The following PGAP1 variants were observed in gnomAD, a reference collection of about 807,000 sequenced individuals.
The protein encoded by PGAP1 is post-GPI attachment to proteins inositol deacylase 1, also known as GPI inositol-deacylase.
PGAP1 carries 76 observed loss-of-function variants against 127.0 expected under a neutral mutation model. The observed-to-expected ratio is 0.60, with a 90% CI of 0.50 to 0.72. The LOEUF (loss-of-function observed/expected upper bound fraction) is 0.72. Ranked by LOEUF, PGAP1 falls within the 30% of genes least tolerant of loss-of-function variation. The pLI, the probability that PGAP1 is intolerant of heterozygous loss-of-function variation, is 0.00. For synonymous variants in PGAP1, 362 were observed against 366.5 expected, an observed-to-expected ratio of 0.99 and a Z score of 0.14; for missense variants, 982 against 1,071.3, an observed-to-expected ratio of 0.92 and a Z score of 1.16.
intron 5 of PGAP1, among the ~76,000 whole-genome samples, chr2:196,898,926 GA>G (rs200619626): frequency 9.7e-4 from 133 of 136,872 alleles, no homozygotes; most frequent in Middle Eastern, 3.7e-3. Flanking sequence ...TATATATTTT[GA>G]AAAAAAAAAA....
At chr2:196,884,531 C>G (rs1415405337) in intron 12 of PGAP1, among the ~76,000 whole-genome samples, 2 of 152,158 alleles carry the variant, frequency 1.3e-5, no homozygotes, top group African/African-American at 2.4e-5. Flanking sequence ...GTCACCATTC[C>G]TCTCTGTTAG....
At chr2:196,917,462 G>A (rs1257794501) in intron 2 of PGAP1, among the ~76,000 whole-genome samples, 2 of 151,818 alleles carry the variant, frequency 1.3e-5, no homozygotes, top group African/African-American at 4.8e-5. Flanking sequence ...TTTTTTAATC[G>A]TTTCAAAAAC....
At chr2:196,846,484 G>A (rs1469956664) in intron 22 of PGAP1, among the ~76,000 whole-genome samples, 1 of 152,098 alleles carries the variant, frequency 6.6e-6, no homozygotes, top group Non-Finnish European at 1.5e-5. Flanking sequence ...CACATGACAT[G>A]TCTGGTAAGG....
chr2:196,857,885 T>C (rs1320965708), intron 20 of PGAP1, among the ~76,000 whole-genome samples: 1 of 152,152 alleles, frequency 6.6e-6, no homozygotes, highest in African/African-American at 2.4e-5. Flanking sequence ...TAATCCTTTT[T>C]ATTTTTCCTT....
intron 10 of PGAP1, among the ~76,000 whole-genome samples, chr2:196,887,402 A>G (rs1226170908): frequency 6.6e-6 from 1 of 151,954 alleles, no homozygotes; most frequent in African/African-American, 2.4e-5. Context: ...AAACAAAACA[A>G]AACAAAAACA....
intron 7 of PGAP1, among the ~76,000 whole-genome samples, chr2:196,896,237 A>G (rs1702263594): frequency 1.3e-5 from 2 of 152,230 alleles, no homozygotes; most frequent in South Asian, 4.1e-4. Context: ...ATCAAATTAC[A>G]GACAAGGTAA....
intron 3 of PGAP1, among the ~76,000 whole-genome samples, chr2:196,914,370 C>T (rs141607518): frequency 0.016 from 2,470 of 152,230 alleles, 62 homozygotes; most frequent in African/African-American, 0.056. Flanking sequence ...CCTGTAATCC[C>T]AGCACTTTAG....
chr2:196,852,482 T>G (rs1173496417), intron 20 of PGAP1, among the ~76,000 whole-genome samples: 2 of 151,874 alleles, frequency 1.3e-5, no homozygotes, highest in Non-Finnish European at 2.9e-5. Context: ...TAGTTAAAAA[T>G]AGAAATTAAT....
At chr2:196,854,331 T>C (rs922298989) in intron 20 of PGAP1, among the ~76,000 whole-genome samples, 2 of 152,190 alleles carry the variant, frequency 1.3e-5, no homozygotes, top group African/African-American at 4.8e-5. Context: ...TGGTAAATTA[T>C]ATGGAAAACA....
intron 25 of PGAP1, among the ~76,000 whole-genome samples, chr2:196,843,442 C>G (rs1700470145): frequency 6.6e-6 from 1 of 152,116 alleles, no homozygotes; most frequent in Non-Finnish European, 1.5e-5. Context: ...ATTTAGATAA[C>G]TTGAAAGTTT....
chr2:196,885,491 G>A lies in PGAP1; in HGVS notation c.1221-16C>T, dbSNP rs1468966453. On this transcript the variant is annotated splice_polypyrimidine_tract_variant and intron_variant, in intron 11 of 26. Coordinates refer to ENST00000354764, the MANE Select transcript of PGAP1 (RefSeq NM_024989.4). ...CCCTTGCAGGCTTTGAAATAAATAT[G>A]AAAATATAATTAAAGGACAAATATA... 1.3e-6 allele frequency: 2 copies of A among 1,556,644 alleles called. No homozygotes were observed. Among genetic ancestry groups the A allele is most frequent in the Admixed American group, 1.8e-5 (1 of 55,366 alleles).
chr2:196,895,363 G>A (rs1482200552), intron 7 of PGAP1, among the ~76,000 whole-genome samples: 1 of 152,114 alleles, frequency 6.6e-6, no homozygotes, highest in African/African-American at 2.4e-5. Flanking sequence ...GTCGGAATAA[G>A]GTTTTTCTTA....
chr2:196,866,641 A>G (rs945379277), intron 19 of PGAP1, among the ~76,000 whole-genome samples: 1 of 152,222 alleles, frequency 6.6e-6, no homozygotes, highest in Non-Finnish European at 1.5e-5. Flanking sequence ...TAAACTAAAG[A>G]GCTTCTGCAC....
chr2:196,834,586 T>C lies in PGAP1; in HGVS notation c.*6648A>G, dbSNP rs1007058065. 1.3e-5 allele frequency: 2 copies of C among 152,450 alleles called. No individual in the cohort carries two copies. The highest frequency in any genetic ancestry group is 2.9e-5 in the Non-Finnish European group (2 of 67,888). The allele number at this position is 152,450 out of a possible 1,614,324, so 9.4% of individuals were successfully genotyped here. ...CAGTCATAAGCTTCAGAAACTATAA[T>C]ACAATCACTTCAAAATAATATGTCA... On this transcript the variant is annotated 3_prime_UTR_variant, in exon 27 of 27. Coordinates refer to ENST00000354764, the MANE Select transcript of PGAP1 (RefSeq NM_024989.4).
Position 196,844,014 on chromosome 2 carries a change from T to C in PGAP1, c.2399A>G (p.His800Arg). ...ATCGTTGGCAGATAAACGAAGATGG[T>C]GTATTGAGGAGTCTTTATGATGATT... is the stretch of plus-strand genomic sequence containing the variant. ...KSNHHKDSSI[H>R]HLRLSANDAE... The change falls in exon 25 of 27, where the codon CAC becomes CGC. Residue 800 changes from histidine (H) to arginine (R), a missense_variant. By Grantham distance (29) the His-to-Arg change is conservative. Coordinates refer to ENST00000354764, the MANE Select transcript of PGAP1 (RefSeq NM_024989.4). The C allele has an allele frequency of 6.2e-7, 1 of 1,607,186 alleles. No homozygotes were observed. Among genetic ancestry groups the C allele is most frequent in the Non-Finnish European group, 8.5e-7 (1 of 1,175,296 alleles).
At chr2:196,867,508 G>A (rs1366879937) in intron 19 of PGAP1, among the ~76,000 whole-genome samples, 1 of 152,092 alleles carries the variant, frequency 6.6e-6, no homozygotes, top group Non-Finnish European at 1.5e-5. Context: ...ATAGCTTTAG[G>A]AGAAATACCT....
chr2:196,918,601 C>A (rs1372463196), intron 2 of PGAP1, among the ~76,000 whole-genome samples: 1 of 152,034 alleles, frequency 6.6e-6, no homozygotes, highest in Non-Finnish European at 1.5e-5. Flanking sequence ...TGACTATATT[C>A]ATATTACAAA....
intron 20 of PGAP1, among the ~76,000 whole-genome samples, chr2:196,859,627 G>T (rs1028558431): frequency 2.0e-5 from 3 of 152,050 alleles, no homozygotes; most frequent in Non-Finnish European, 4.4e-5. Context: ...CAAAATACTA[G>T]CAAACTGACT....
At chr2:196,896,194 A>G (rs1168347324) in intron 7 of PGAP1, among the ~76,000 whole-genome samples, 2 of 152,268 alleles carry the variant, frequency 1.3e-5, no homozygotes, top group African/African-American at 4.8e-5. Context: ...AACAATTTGG[A>G]AAATTACTAG....
Sources: gnomAD v4.1 joint callset for allele counts (sites outside exome capture counted in the v4.1 genomes callset) on GRCh38, gnomAD v4.1.1 for gene constraint, MANE v1.5 for transcripts, NCBI Gene and HGNC (gene_info 2026-07-23, HGNC 2026-07-21) for gene names.